Variants in ZDHHC7 observed in about 807,000 individuals in gnomAD.
ZDHHC7 encodes palmitoyltransferase ZDHHC7.
Under a neutral mutation model 34.1 loss-of-function variants are expected in ZDHHC7, and 12 were observed. That is an observed-to-expected ratio of 0.35 (90% CI 0.23 to 0.57). The LOEUF is 0.57. ZDHHC7 is among the 20% of genes least tolerant of loss of function. ZDHHC7 has a pLI of 0.84. For synonymous variants in ZDHHC7, 185 were observed against 155.4 expected (o/e 1.19, Z -1.42); for missense variants, 388 against 402.7 (o/e 0.96, Z 0.31).
rs768413071 is a variant in ZDHHC7, at chr16:84,981,930, T to C, written c.380A>G (p.Glu127Gly). ...GCACTTGGGGCACTTGTAGATGACT[T>C]CCCCGGGCTTCAGCTGCAAGCTCTC... ...YMESLQLKPG[E>G]VIYKCPKCCC... Residue 127 changes from glutamate to glycine, a missense_variant, in exon 4 of 8, where the codon GAA becomes GGA. Transcript: ENST00000313732. 17 of 1,614,190 alleles carry C rather than the reference T, an allele frequency of 1.1e-5. No homozygotes were observed. Among genetic ancestry groups the C allele is most frequent in the Non-Finnish European group, 1.4e-5 (17 of 1,180,036 alleles).
chr16:84,984,202 G>C (rs1338820302), intron 3 of ZDHHC7, among the ~76,000 whole-genome samples: 3 of 151,904 alleles, frequency 2.0e-5, no homozygotes, highest in Non-Finnish European at 2.9e-5. Context: ...CGTATTTTTA[G>C]TAGAGACGGG....
chr16:85,013,896 C>T (rs986403310), upstream of ZDHHC7, among the ~76,000 whole-genome samples: 2 of 151,990 alleles, frequency 1.3e-5, no homozygotes, highest in African/African-American at 4.8e-5. Flanking sequence ...CTATGTTGGC[C>T]AGGCTGGTCT....
chr16:85,003,045 C>G (rs775897708), intron 1 of ZDHHC7, among the ~76,000 whole-genome samples: 1 of 152,104 alleles, frequency 6.6e-6, no homozygotes, highest in Non-Finnish European at 1.5e-5. Flanking sequence ...CATAAACTTA[C>G]CCAGGGCTGG....
chr16:84,975,969 C>T lies in ZDHHC7; in HGVS notation c.*374G>A, dbSNP rs1347408398. The T allele has an allele frequency of 8.8e-6, 2 of 227,884 alleles. No individual in the cohort carries two copies. The highest frequency in any genetic ancestry group is 1.7e-5 in the Non-Finnish European group (2 of 116,450). 14.1% of individuals were successfully genotyped at this position (227,884 alleles called of 1,614,324 possible). On this transcript the variant is annotated 3_prime_UTR_variant, in exon 8 of 8. Transcript: ENST00000313732. ...GGTCAGCAGGAGCCCCCTGAAATGA[C>T]TGCTTGGAGAATCCCTGTTCACTGG...
At chr16:85,001,077 A>T (rs975474869) in intron 1 of ZDHHC7, among the ~76,000 whole-genome samples, 1 of 152,176 alleles carries the variant, frequency 6.6e-6, no homozygotes, top group Non-Finnish European at 1.5e-5. Flanking sequence ...CTGAGGTCCA[A>T]TGGAACCACA....
chr16:84,992,093 T>C (rs1207680859), intron 2 of ZDHHC7, among the ~76,000 whole-genome samples: 2 of 151,264 alleles, frequency 1.3e-5, no homozygotes, highest in Admixed American at 6.6e-5. Context: ...GGAGAATCAC[T>C]TGAACCTGGG....
chr16:84,995,272 G>A (rs941000742), intron 2 of ZDHHC7, among the ~76,000 whole-genome samples: 1 of 152,244 alleles, frequency 6.6e-6, no homozygotes, highest in East Asian at 1.9e-4. Context: ...CTGTTTCCCA[G>A]AACACCAAAA....
At chr16:84,984,870 G>A (rs1294700552) in intron 3 of ZDHHC7, among the ~76,000 whole-genome samples, 1 of 152,116 alleles carries the variant, frequency 6.6e-6, no homozygotes, top group African/African-American at 2.4e-5. Flanking sequence ...CATATGCAGA[G>A]GGGGTGTGCA....
intron 1 of ZDHHC7, among the ~76,000 whole-genome samples, chr16:85,003,252 G>A (rs2072675579): frequency 6.6e-6 from 1 of 152,158 alleles, no homozygotes; most frequent in Admixed American, 6.5e-5. Flanking sequence ...CTGAGGCTGG[G>A]TCCAGGGGGG....
At chr16:85,003,504 G>A (rs1219384552) in intron 1 of ZDHHC7, among the ~76,000 whole-genome samples, 1 of 152,140 alleles carries the variant, frequency 6.6e-6, no homozygotes, top group East Asian at 1.9e-4. Flanking sequence ...GAAATATTCA[G>A]TTTGTCCTTT....
chr16:85,021,154 C>A, the ZDHHC7 span, among the ~76,000 whole-genome samples: 3 of 151,882 alleles, frequency 2.0e-5, no homozygotes, highest in Non-Finnish European at 2.9e-5. Context: ...TGGCTCACAC[C>A]TGTAATCCCA....
chr16:85,023,356 G>T, the ZDHHC7 span, among the ~76,000 whole-genome samples: 2 of 151,940 alleles, frequency 1.3e-5, no homozygotes, highest in African/African-American at 4.8e-5. Context: ...GTAGAGACAG[G>T]GTTTCACCGT....
intron 6 of ZDHHC7, among the ~76,000 whole-genome samples, chr16:84,977,496 G>C (rs1220123165): frequency 1.3e-5 from 2 of 152,230 alleles, no homozygotes; most frequent in African/African-American, 4.8e-5. Context: ...TGAATTAAAT[G>C]GCAAATGAAG....
At chr16:84,997,884 G>T (rs1374042036) in intron 1 of ZDHHC7, among the ~76,000 whole-genome samples, 2 of 124,628 alleles carry the variant, frequency 1.6e-5, no homozygotes, top group Non-Finnish European at 3.2e-5. Flanking sequence ...GCGACAGAGC[G>T]AGACTCCGTC....
rs1307779318 is a variant in ZDHHC7, at chr16:84,990,566, G to A, written c.53C>T (p.Ala18Val). The A allele has an allele frequency of 2.7e-5, 44 of 1,614,020 alleles. No individual in the cohort carries two copies. Among genetic ancestry groups the A allele is most frequent in the Non-Finnish European group, 3.6e-5 (43 of 1,180,048 alleles). ...LRDVEHHPLLAENDNYDSSSS... is the reference protein window; with the variant it reads ...LRDVEHHPLLVENDNYDSSSS... ...TGAAGAGTCATAGTTGTCATTTTCA[G>A]CCAGGAGAGGATGATGCTCGACGTC... The change falls in exon 3 of 8, where the codon GCT becomes GTT. Residue 18 changes from alanine (A) to valine (V), a missense_variant. Physicochemically the swap from Ala to Val is moderately conservative, Grantham distance 64. Coordinates refer to ENST00000313732, the MANE Select transcript of ZDHHC7 (RefSeq NM_017740.3).
intron 2 of ZDHHC7, among the ~76,000 whole-genome samples, chr16:84,993,621 AAC>A (rs1303405359): frequency 5.9e-5 from 9 of 152,200 alleles, no homozygotes; most frequent in Admixed American, 5.9e-4. Context: ...CAGCCTGGGC[AAC>A]AGAGTAAGTA....
At chr16:84,990,698 G>A (rs779256019) in intron 2 of ZDHHC7, 63 bp from the exon 3 acceptor site, 99 of 1,394,822 alleles carry the variant, frequency 7.1e-5, no homozygotes, top group Non-Finnish European at 9.6e-5. Flanking sequence ...CCTTAAATAT[G>A]ATGTGTTACA....
chr16:84,984,798 G>A (rs1427059837), intron 3 of ZDHHC7, among the ~76,000 whole-genome samples: 3 of 152,206 alleles, frequency 2.0e-5, no homozygotes, highest in African/African-American at 2.4e-5. Flanking sequence ...CTGAGGCCCC[G>A]AGTCTATCAC....
intron 4 of ZDHHC7, among the ~76,000 whole-genome samples, chr16:84,979,840 A>T (rs2072343257): frequency 1.3e-5 from 2 of 151,904 alleles, no homozygotes; most frequent in Admixed American, 1.3e-4. Context: ...TTAAATAACT[A>T]ATTTGATTAT....
Sources: allele counts gnomAD v4.1 joint callset (sites outside exome capture counted in the v4.1 genomes callset), GRCh38; gene constraint gnomAD v4.1.1; transcripts MANE v1.5; gene names NCBI Gene and HGNC (gene_info 2026-07-23, HGNC 2026-07-21).